The following DLGAP1 variants were observed in gnomAD, a reference collection of about 807,000 sequenced individuals.
DLGAP1 encodes DLG associated protein 1.
DLGAP1 carries 11 observed loss-of-function variants against 90.8 expected under a neutral mutation model. The observed-to-expected ratio is 0.12, with a 90% CI of 0.08 to 0.20. DLGAP1 has a LOEUF of 0.20. Among genes scored for constraint, DLGAP1 ranks in the 10% least tolerant of loss-of-function variants. The pLI, the probability that DLGAP1 is intolerant of heterozygous loss-of-function variation, is 1.00. For synonymous variants in DLGAP1, 558 were observed against 540.7 expected, an observed-to-expected ratio of 1.03 and a Z score of -0.44; for missense variants, 1,050 against 1,333.8, an observed-to-expected ratio of 0.79 and a Z score of 3.31.
At chr18:4,343,737 A>T (rs1363431886) in intron 1 of DLGAP1, among the ~76,000 whole-genome samples, 1 of 152,168 alleles carries the variant, frequency 6.6e-6, no homozygotes, top group Non-Finnish European at 1.5e-5. Flanking sequence ...ACCATGGCAC[A>T]TGTATACCTA....
Position 3,534,596 on chromosome 18 carries a change from A to C in DLGAP1, c.2077T>G (p.Ser693Ala). ...EEKCFRRFTRSNSVTTAVQAD... is the reference protein window; with the variant it reads ...EEKCFRRFTRANSVTTAVQAD... ...TGTACTGCTGTCGTCACACTGTTGG[A>C]TCGAGTGAACCTGCGGAAGCTTGGG... Residue 693 changes from serine (S) to alanine (A), a missense_variant, in exon 10 of 13, where the codon TCC becomes GCC. Transcript: ENST00000315677. The C allele has an allele frequency of 6.3e-7, 1 of 1,585,424 alleles. No individual in the cohort carries two copies. The highest frequency in any genetic ancestry group is 8.6e-7 in the Non-Finnish European group (1 of 1,164,916).
At chr18:3,781,386 C>T (rs1405596642) in intron 5 of DLGAP1, among the ~76,000 whole-genome samples, 1 of 149,960 alleles carries the variant, frequency 6.7e-6, no homozygotes, top group Non-Finnish European at 1.5e-5. Context: ...AGTCTTGCTC[C>T]TGTTGCCCAG....
At chr18:4,033,752 T>G in intron 2 of DLGAP1, among the ~76,000 whole-genome samples, 1 of 151,748 alleles carries the variant, frequency 6.6e-6, no homozygotes, top group South Asian at 2.1e-4. Context: ...TTTTTTTTTT[T>G]TTTTTGAGAC....
intron 2 of DLGAP1, among the ~76,000 whole-genome samples, chr18:4,105,069 G>A (rs1411371939): frequency 6.6e-6 from 1 of 152,192 alleles, no homozygotes; most frequent in African/African-American, 2.4e-5. Flanking sequence ...CCAGGACACA[G>A]AGATGAGTCA....
chr18:4,372,444 G>T (rs894145174), intron 1 of DLGAP1, among the ~76,000 whole-genome samples: 8 of 152,174 alleles, frequency 5.3e-5, no homozygotes, highest in African/African-American at 1.9e-4. Flanking sequence ...GAATTTATAA[G>T]CTCAAAATAG....
At chr18:4,173,633 C>A (rs980933839) in intron 1 of DLGAP1, among the ~76,000 whole-genome samples, 2 of 152,130 alleles carry the variant, frequency 1.3e-5, no homozygotes, top group Non-Finnish European at 2.9e-5. Context: ...GGAAGCATGA[C>A]ACTGCAGCCT....
intron 5 of DLGAP1, among the ~76,000 whole-genome samples, chr18:3,795,462 C>A (rs1351453167): frequency 6.6e-6 from 1 of 151,728 alleles, no homozygotes; most frequent in Non-Finnish European, 1.5e-5. Context: ...ACTACAGGCG[C>A]CCACCACCAC....
chr18:4,031,105 G>T (rs1464548347), intron 2 of DLGAP1, among the ~76,000 whole-genome samples: 2 of 152,032 alleles, frequency 1.3e-5, no homozygotes, highest in African/African-American at 4.8e-5. Flanking sequence ...AAGTCAGCAG[G>T]GGTCCAGCAT....
chr18:4,187,206 A>G (rs903803992), intron 1 of DLGAP1, among the ~76,000 whole-genome samples: 1 of 152,178 alleles, frequency 6.6e-6, no homozygotes, highest in Non-Finnish European at 1.5e-5. Context: ...AAACAGAGAT[A>G]GTTTGGCTTC....
chr18:3,780,488 A>G (rs1465304952), intron 5 of DLGAP1, among the ~76,000 whole-genome samples: 1 of 151,420 alleles, frequency 6.6e-6, no homozygotes, highest in Non-Finnish European at 1.5e-5. Context: ...CTTCCTCCAT[A>G]TGCAAAGCCG....
intron 1 of DLGAP1, among the ~76,000 whole-genome samples, chr18:4,197,188 T>TAAAAAAAAAAAAAAAA (rs532844849): frequency 2.5e-3 from 179 of 72,880 alleles, no homozygotes; most frequent in African/African-American, 2.9e-3. Context: ...TAAAAAAAAG[T>TAAAAAAAAAAAAAAAA]AAAAAAAAAA....
chr18:4,223,201 T>G (rs543199897), intron 1 of DLGAP1, among the ~76,000 whole-genome samples: 1 of 152,318 alleles, frequency 6.6e-6, no homozygotes, highest in South Asian at 2.1e-4. Flanking sequence ...TTATAAATAT[T>G]GCTGACCTTT....
intron 1 of DLGAP1, among the ~76,000 whole-genome samples, chr18:4,197,188 T>TAAAA (rs532844849): frequency 1.2e-3 from 90 of 73,746 alleles, no homozygotes; most frequent in African/African-American, 4.0e-3. Flanking sequence ...TAAAAAAAAG[T>TAAAA]AAAAAAAAAA....
chr18:3,615,838 G>A (rs988786931), intron 7 of DLGAP1, among the ~76,000 whole-genome samples: 6 of 152,118 alleles, frequency 3.9e-5, no homozygotes, highest in South Asian at 2.1e-4. Context: ...ATGCATTTTA[G>A]GTGGGGAGGG....
chr18:3,705,361 T>G (rs919497002), intron 7 of DLGAP1, among the ~76,000 whole-genome samples: 1 of 152,068 alleles, frequency 6.6e-6, no homozygotes, highest in African/African-American at 2.4e-5. Flanking sequence ...TGCTTTGCTC[T>G]GTATACCTCC....
chr18:3,605,645 A>C (rs2145823053), intron 7 of DLGAP1, among the ~76,000 whole-genome samples: 1 of 152,314 alleles, frequency 6.6e-6, no homozygotes, highest in African/African-American at 2.4e-5. Context: ...CAAAATAATA[A>C]AACTTCAAGA....
At chr18:4,350,578 C>T (rs990567782) in intron 1 of DLGAP1, among the ~76,000 whole-genome samples, 6 of 152,128 alleles carry the variant, frequency 3.9e-5, no homozygotes, top group African/African-American at 1.4e-4. Context: ...TATGACTCTT[C>T]CGTTCACCAA....
intron 7 of DLGAP1, among the ~76,000 whole-genome samples, chr18:3,608,561 TTGGGGCTCAGAACA>T (rs983320112): frequency 2.6e-5 from 4 of 152,190 alleles, no homozygotes; most frequent in African/African-American, 9.7e-5. Flanking sequence ...TGTCTATGTG[TTGGGGCTCAGAACA>T]TAATGCCCTA....
rs1568278891 is a variant in DLGAP1 at position 3,600,875 on chromosome 18, TATATAGATAG to T, written c.1592-18637_1592-18628del. The stretch of plus-strand genomic sequence containing the variant: ...ATATAGATATATATAGATATATAGA[TATATAGATAG>T]ATATATAGATATATATAGATATATA... On this transcript the variant is annotated intron_variant, in intron 7 of 12. Transcript: ENST00000315677. 7.6e-3 allele frequency among the ~76,000 whole-genome samples: 249 copies of T among 32,580 alleles called. 13 individuals carry two copies. Among genetic ancestry groups the T allele is most frequent in the Non-Finnish European group, 0.01 (161 of 16,036 alleles). 21.4% of individuals were successfully genotyped at this position (32,580 alleles called of 152,430 possible).
Sources: gnomAD v4.1 joint callset for allele counts (sites outside exome capture counted in the v4.1 genomes callset) on GRCh38, gnomAD v4.1.1 for gene constraint, MANE v1.5 for transcripts, NCBI Gene and HGNC (gene_info 2026-07-23, HGNC 2026-07-21) for gene names.